RAB3GAP1: variants seen among roughly 807,000 people sequenced by gnomAD.
The protein encoded by RAB3GAP1 is rab3 GTPase-activating protein catalytic subunit.
A neutral mutation model predicts 130.7 loss-of-function variants in RAB3GAP1; 86 were observed. The observed-to-expected ratio is 0.66, with a 90% CI of 0.55 to 0.79. RAB3GAP1 has a LOEUF of 0.79. Ranked by LOEUF, RAB3GAP1 falls within the 30% of genes least tolerant of loss-of-function variation. The pLI is 0.00. For missense variants in RAB3GAP1, 1,029 were observed against 1,169.4 expected (o/e 0.88, Z 1.75); for synonymous variants, 367 against 401.7 (o/e 0.91, Z 1.03).
intron 17 of RAB3GAP1, among the ~76,000 whole-genome samples, chr2:135,141,298 C>T (rs2104961524): frequency 6.7e-6 from 1 of 149,946 alleles, no homozygotes; most frequent in South Asian, 2.1e-4. Flanking sequence ...GGTCTCGGCT[C>T]ACTGCAGCCT....
chr2:135,080,052 GC>G (rs1346818763), intron 3 of RAB3GAP1, among the ~76,000 whole-genome samples: 1 of 148,536 alleles, frequency 6.7e-6, no homozygotes, highest in African/African-American at 2.5e-5. Flanking sequence ...GGAAGGCGGA[GC>G]TTGCAGTGAG....
intron 17 of RAB3GAP1, among the ~76,000 whole-genome samples, chr2:135,145,089 A>G (rs938751090): frequency 1.3e-5 from 2 of 152,198 alleles, no homozygotes; most frequent in Non-Finnish European, 2.9e-5. Flanking sequence ...TTGGTACATA[A>G]TATTTGTACA....
At chr2:135,115,859 G>C (rs1690954544) in intron 7 of RAB3GAP1, among the ~76,000 whole-genome samples, 2 of 152,108 alleles carry the variant, frequency 1.3e-5, no homozygotes, top group Non-Finnish European at 2.9e-5. Flanking sequence ...AGAGCAGCAG[G>C]GCTAAATGGG....
intron 3 of RAB3GAP1, among the ~76,000 whole-genome samples, chr2:135,076,325 C>T (rs535962144): frequency 1.3e-5 from 2 of 152,320 alleles, no homozygotes; most frequent in African/African-American, 4.8e-5. Context: ...ACTTTTTCCA[C>T]ATATGGTATA....
chr2:135,142,369 T>A (rs1011896322), intron 17 of RAB3GAP1, among the ~76,000 whole-genome samples: 4 of 152,198 alleles, frequency 2.6e-5, no homozygotes, highest in African/African-American at 9.6e-5. Flanking sequence ...TTGATTTTTA[T>A]ATATTGACCT....
chr2:135,124,558 A>G (rs1385104793), intron 9 of RAB3GAP1, among the ~76,000 whole-genome samples: 4 of 152,154 alleles, frequency 2.6e-5, no homozygotes, highest in African/African-American at 7.2e-5. Flanking sequence ...CCAGCTACTC[A>G]AGAGGTTAAG....
At chr2:135,161,505 TAAAG>T (rs573795002) in intron 19 of RAB3GAP1, among the ~76,000 whole-genome samples, 1 of 152,054 alleles carries the variant, frequency 6.6e-6, no homozygotes, top group African/African-American at 2.4e-5. Flanking sequence ...AAAAAAACCA[TAAAG>T]AAAAGCAAAA....
chr2:135,124,236 G>A lies in RAB3GAP1; in HGVS notation c.820G>A (p.Asp274Asn). The A allele has an allele frequency of 6.2e-7, 1 of 1,613,912 alleles. No individual in the cohort carries two copies. Among genetic ancestry groups the A allele is most frequent in the Non-Finnish European group, 8.5e-7 (1 of 1,179,720 alleles). ...FGKLPFGACE[D>N]PISELHLATT... ...CAAGTTACCATTTGGTGCCTGCGAA[G>A]ATCCTATTAGGTGAGAATTTCAACC... Residue 274 changes from aspartate (D) to asparagine (N), a missense_variant, in exon 9 of 24, where the codon GAT becomes AAT. Around this residue, in one of 3 missense-constraint regions of RAB3GAP1, gnomAD observed 510 missense variants for 532.1 expected, o/e 0.96. Coordinates refer to ENST00000264158, the MANE Select transcript of RAB3GAP1 (RefSeq NM_012233.3).
At chr2:135,132,871 A>G in intron 13 of RAB3GAP1, 24 bp from the exon 14 acceptor site, 4 of 1,345,460 alleles carry the variant, frequency 3.0e-6, no homozygotes, top group Non-Finnish European at 4.3e-6. Flanking sequence ...CTAAAATGTG[A>G]TTATTTTTTT....
chr2:135,109,444 C>G (rs1690729162), intron 5 of RAB3GAP1, among the ~76,000 whole-genome samples: 1 of 151,876 alleles, frequency 6.6e-6, no homozygotes. Context: ...TAGTGAAAAT[C>G]ACTGTACATA....
At chr2:135,152,913 T>C (rs1692214089) in intron 18 of RAB3GAP1, 2 of 152,252 alleles carry the variant, frequency 1.3e-5, no homozygotes, top group East Asian at 1.9e-4. Context: ...TTAGAATCAC[T>C]GAAAGGTTTT....
intron 17 of RAB3GAP1, chr2:135,136,983 G>T (rs535153542): frequency 8.7e-6 from 2 of 228,698 alleles, no homozygotes; most frequent in African/African-American, 4.6e-5. Context: ...AGCTACTCAG[G>T]AAGAGGAGGC....
At chr2:135,139,206 GTATTTACTTAATTATTGAGTTAT>G (rs1691767762) in intron 17 of RAB3GAP1, among the ~76,000 whole-genome samples, 1 of 152,042 alleles carries the variant, frequency 6.6e-6, no homozygotes, top group Admixed American at 6.6e-5. Flanking sequence ...ATATGTTCAT[GTATTTACTTAATTATTGAGTTAT>G]AACTTAATAC....
chr2:135,148,668 C>CTT (rs60407802), intron 17 of RAB3GAP1, among the ~76,000 whole-genome samples: 52 of 113,110 alleles, frequency 4.6e-4, no homozygotes, highest in African/African-American at 1.5e-3. Context: ...ATTTTTGTAT[C>CTT]TTTTTTTTTT....
chr2:135,164,514 A>G lies in RAB3GAP1; in HGVS notation c.2607-80A>G, dbSNP rs1692571763. On this transcript the variant is annotated intron_variant, in intron 22 of 23. Coordinates refer to ENST00000264158, the MANE Select transcript of RAB3GAP1 (RefSeq NM_012233.3). ...GTATCAGCTTGAGGATTTGTCCACAAAACTCCTGTGGGAGGATGGACGCCC... is the reference window on the plus strand; with the variant it reads ...GTATCAGCTTGAGGATTTGTCCACAGAACTCCTGTGGGAGGATGGACGCCC... The G allele has an allele frequency of 1.1e-5, 12 of 1,125,378 alleles. No homozygotes were observed. In the South Asian group the frequency reaches 1.3e-4, roughly 12 times the overall value. The allele number at this position is 1,125,378 out of a possible 1,614,324, so 69.7% of individuals were successfully genotyped here. A position where few individuals can be genotyped will look rare whatever the true frequency, so the allele number is the denominator to read the frequency against.
intron 14 of RAB3GAP1, among the ~76,000 whole-genome samples, chr2:135,133,505 G>T (rs1314465993): frequency 6.6e-6 from 1 of 152,076 alleles, no homozygotes; most frequent in Non-Finnish European, 1.5e-5. Context: ...TACATTTTCA[G>T]TTTAGATAGT....
At chr2:135,130,310 A>G (rs535543516) in intron 12 of RAB3GAP1, among the ~76,000 whole-genome samples, 60 of 152,340 alleles carry the variant, frequency 3.9e-4, no homozygotes, top group African/African-American at 1.4e-3. Flanking sequence ...AAATATTTTG[A>G]AAAGCAGAGT....
intron 15 of RAB3GAP1, among the ~76,000 whole-genome samples, chr2:135,134,305 C>T (rs561376653): frequency 6.6e-6 from 1 of 152,142 alleles, no homozygotes; most frequent in East Asian, 1.9e-4. Context: ...GTTTTTCCCC[C>T]AATAATCTTT....
At chr2:135,142,694 GT>G (rs528017150) in intron 17 of RAB3GAP1, among the ~76,000 whole-genome samples, 18 of 145,508 alleles carry the variant, frequency 1.2e-4, no homozygotes, top group East Asian at 8.1e-4. Flanking sequence ...TTTGTTTTTT[GT>G]TTTTTTTTTA....
Sources: gnomAD v4.1 joint callset for allele counts (sites outside exome capture counted in the v4.1 genomes callset) on GRCh38, gnomAD v4.1.1 for gene constraint, gnomAD v4.1.1 regional missense constraint, MANE v1.5 for transcripts, NCBI Gene and HGNC (gene_info 2026-07-23, HGNC 2026-07-21) for gene names.